The following PTPRG variants were observed in gnomAD, a reference collection of about 807,000 sequenced individuals.
PTPRG encodes protein tyrosine phosphatase receptor type G.
A neutral mutation model predicts 165.3 loss-of-function variants in PTPRG; 102 were observed. The observed-to-expected ratio is 0.62, with a 90% CI of 0.53 to 0.73. The LOEUF (loss-of-function observed/expected upper bound fraction) is 0.73, where lower values mean the gene tolerates loss of function less well. Among genes scored for constraint, PTPRG ranks in the 30% least tolerant of loss-of-function variants. The pLI, the probability that PTPRG is intolerant of heterozygous loss-of-function variation, is 0.00. For synonymous variants in PTPRG, 675 were observed against 669.5 expected, an observed-to-expected ratio of 1.01 and a Z score of -0.13; for missense variants, 1,866 against 1,861.4, an observed-to-expected ratio of 1.00 and a Z score of -0.05.
At chr3:61,669,582 C>T (rs1264935803) in intron 1 of PTPRG, among the ~76,000 whole-genome samples, 2 of 152,140 alleles carry the variant, frequency 1.3e-5, no homozygotes, top group East Asian at 1.9e-4. Flanking sequence ...TGACTGGACC[C>T]CCGTGCCTGC....
intron 1 of PTPRG, among the ~76,000 whole-genome samples, chr3:61,579,321 T>C (rs542430173): frequency 6.6e-6 from 1 of 152,300 alleles, no homozygotes; most frequent in South Asian, 2.1e-4. Context: ...TTTACTCTTG[T>C]GTAGTATTTT....
chr3:62,247,092 C>T (rs1184839690), intron 15 of PTPRG, among the ~76,000 whole-genome samples: 2 of 152,132 alleles, frequency 1.3e-5, no homozygotes, highest in Non-Finnish European at 2.9e-5. Context: ...AAATTGTTAT[C>T]TAATAATTAT....
chr3:62,121,423 C>G (rs1445085626), intron 5 of PTPRG, among the ~76,000 whole-genome samples: 1 of 152,092 alleles, frequency 6.6e-6, no homozygotes, highest in Non-Finnish European at 1.5e-5. Flanking sequence ...TGAGGCACAA[C>G]TAGATTGTAA....
intron 1 of PTPRG, among the ~76,000 whole-genome samples, chr3:61,693,441 T>C (rs2030355323): frequency 6.6e-6 from 1 of 152,216 alleles, no homozygotes; most frequent in Non-Finnish European, 1.5e-5. Flanking sequence ...ATTGAATACA[T>C]GTTCTTATCA....
At chr3:61,725,925 A>G (rs1351552260) in intron 1 of PTPRG, among the ~76,000 whole-genome samples, 1 of 152,130 alleles carries the variant, frequency 6.6e-6, no homozygotes, top group Non-Finnish European at 1.5e-5. Context: ...GAGTTCTCTG[A>G]TCCTTCGGTC....
chr3:61,759,268 G>GGT (rs2033750412), intron 2 of PTPRG, among the ~76,000 whole-genome samples: 2 of 152,090 alleles, frequency 1.3e-5, no homozygotes, highest in Admixed American at 1.3e-4. Flanking sequence ...ACTTATCAGT[G>GGT]GTGTGTATAT....
chr3:61,731,030 T>C (rs11712414), intron 1 of PTPRG, among the ~76,000 whole-genome samples: 19,883 of 152,238 alleles, frequency 0.13, 1,662 homozygotes, highest in East Asian at 0.22. Context: ...AACACTGTTC[T>C]ACTCTTTCTG....
chr3:61,589,918 C>T (rs67459165), intron 1 of PTPRG, among the ~76,000 whole-genome samples: 34,373 of 151,952 alleles, frequency 0.23, 4,672 homozygotes, highest in South Asian at 0.31. Context: ...CAGCCACTCA[C>T]ATTTGGCTAG....
intron 2 of PTPRG, among the ~76,000 whole-genome samples, chr3:61,785,102 C>T (rs1177754712): frequency 6.6e-6 from 1 of 152,252 alleles, no homozygotes; most frequent in East Asian, 1.9e-4. Context: ...CAGAAATTTC[C>T]GTGGCTGTGC....
At chr3:61,770,148 A>G (rs529898281) in intron 2 of PTPRG, 27 of 152,288 alleles carry the variant, frequency 1.8e-4, no homozygotes, top group African/African-American at 6.5e-4. Flanking sequence ...TTCGTGCTAT[A>G]TCTGCCATGG....
At chr3:61,879,208 C>T (rs1188600342) in intron 2 of PTPRG, among the ~76,000 whole-genome samples, 3 of 152,124 alleles carry the variant, frequency 2.0e-5, no homozygotes, top group Non-Finnish European at 4.4e-5. Context: ...ATCAGACACC[C>T]TGAGTGTTGA....
At chr3:61,636,933 A>T (rs1233261234) in intron 1 of PTPRG, among the ~76,000 whole-genome samples, 3 of 152,054 alleles carry the variant, frequency 2.0e-5, no homozygotes, top group Non-Finnish European at 2.9e-5. Flanking sequence ...TCTTTGATTG[A>T]TCATATGATT....
intron 2 of PTPRG, among the ~76,000 whole-genome samples, chr3:61,784,995 T>C (rs1172162833): frequency 6.6e-6 from 1 of 152,184 alleles, no homozygotes; most frequent in Admixed American, 6.6e-5. Context: ...TATCAATATG[T>C]TGTCACTGTC....
chr3:62,031,232 T>A (rs1381011616), intron 4 of PTPRG, among the ~76,000 whole-genome samples: 1 of 152,202 alleles, frequency 6.6e-6, no homozygotes, highest in Non-Finnish European at 1.5e-5. Flanking sequence ...ACCTGAAGGC[T>A]ACATAGGAAG....
chr3:61,885,194 G>GGGT (rs1553686320), intron 2 of PTPRG, among the ~76,000 whole-genome samples: 1 of 49,446 alleles, frequency 2.0e-5, no homozygotes, highest in Non-Finnish European at 3.3e-5. Context: ...ATCATATAAC[G>GGGT]GTAAACTATG....
At chr3:61,878,501 T>A (rs190969543) in intron 2 of PTPRG, among the ~76,000 whole-genome samples, 1 of 152,272 alleles carries the variant, frequency 6.6e-6, no homozygotes, top group East Asian at 1.9e-4. Context: ...TGTTTTTGTT[T>A]TTCATTAAGA....
chr3:61,763,563 G>A (rs1243345998), intron 2 of PTPRG, among the ~76,000 whole-genome samples: 3 of 150,474 alleles, frequency 2.0e-5, no homozygotes, highest in African/African-American at 7.4e-5. Context: ...TAGAGATGGG[G>A]TTTCACCATG....
At chr3:61,934,756 A>G (rs907155316) in intron 2 of PTPRG, among the ~76,000 whole-genome samples, 7 of 152,168 alleles carry the variant, frequency 4.6e-5, no homozygotes, top group Non-Finnish European at 1.0e-4. Flanking sequence ...AAGCTGGGAC[A>G]TGTAGTCTTA....
chr3:62,086,235 T>A (rs1440903885), intron 5 of PTPRG, among the ~76,000 whole-genome samples: 1 of 152,002 alleles, frequency 6.6e-6, no homozygotes, highest in Non-Finnish European at 1.5e-5. Flanking sequence ...AGTCTTTTTC[T>A]TTTTTTGATG....
Sources: allele counts gnomAD v4.1 joint callset (sites outside exome capture counted in the v4.1 genomes callset), GRCh38; gene constraint gnomAD v4.1.1; transcripts MANE v1.5; gene names NCBI Gene and HGNC (gene_info 2026-07-23, HGNC 2026-07-21).